CLEC16A: variants seen among roughly 807,000 people sequenced by gnomAD.
CLEC16A encodes the protein C-type lectin domain containing 16A.
In CLEC16A, 51 loss-of-function variants were observed where a neutral mutation model predicts 109.5. The observed-to-expected ratio is 0.47, with a 90% CI of 0.37 to 0.59. The LOEUF is 0.59. Ranked by LOEUF, CLEC16A falls within the 20% of genes least tolerant of loss-of-function variation. The pLI, the probability that CLEC16A is intolerant of heterozygous loss-of-function variation, is 0.00. For missense variants in CLEC16A, 1,339 were observed against 1,394.0 expected, an observed-to-expected ratio of 0.96 and a Z score of 0.63; for synonymous variants, 673 against 564.2, an observed-to-expected ratio of 1.19 and a Z score of -2.73.
chr16:11,091,982 C>G (rs1157849640), intron 19 of CLEC16A, among the ~76,000 whole-genome samples: 2 of 152,194 alleles, frequency 1.3e-5, no homozygotes, highest in Non-Finnish European at 2.9e-5. Context: ...GCTGCCCTCT[C>G]TCACTGTAGG....
intron 15 of CLEC16A, among the ~76,000 whole-genome samples, chr16:11,042,821 T>C (rs894069377): frequency 6.6e-6 from 1 of 151,494 alleles, no homozygotes; most frequent in Admixed American, 6.6e-5. Flanking sequence ...GTAACAACTA[T>C]AGTTGACATT....
chr16:11,063,313 T>C (rs2048591079), intron 19 of CLEC16A, among the ~76,000 whole-genome samples: 1 of 139,676 alleles, frequency 7.2e-6, no homozygotes, highest in South Asian at 2.3e-4. Context: ...GGAGGGATTG[T>C]AAATGCTGGA....
intron 22 of CLEC16A, among the ~76,000 whole-genome samples, chr16:11,155,723 A>G (rs1343942487): frequency 1.3e-5 from 2 of 152,264 alleles, no homozygotes; most frequent in East Asian, 3.9e-4. Context: ...GCCTAGCCCC[A>G]ATCTGTTAAA....
At position 11,076,485 on chromosome 16, in the gene CLEC16A, C is replaced by A. The variant is rs140616074; in HGVS notation, c.2116+15463C>A. On this transcript the variant is annotated intron_variant, in intron 19 of 23. Coordinates refer to ENST00000409790, the MANE Select transcript of CLEC16A (RefSeq NM_015226.3). ...CGCTCCAGCCCACTCTGTGAGCTGT[C>A]TGGGGCTCCGCCTACACACAGCTCC... Among the ~76,000 whole-genome samples the A allele has an allele frequency of 1.4e-3, 218 of 152,236 alleles. 1 individual carries two copies. The highest frequency in any genetic ancestry group is 1.3e-3 in the Non-Finnish European group (86 of 68,000).
intron 15 of CLEC16A, 150 bp downstream of exon 15, chr16:11,042,513 A>G: frequency 1.8e-6 from 1 of 546,040 alleles, no homozygotes; most frequent in Non-Finnish European, 3.2e-6. Context: ...TTGAGACCCC[A>G]CTCCAACCTA....
Position 11,120,555 on chromosome 16 carries a change from T to C in CLEC16A, c.2117-60T>C, listed in dbSNP as rs1440362686. 8.6e-6 allele frequency: 13 copies of C among 1,514,414 alleles called. No individual in the cohort carries two copies. The East Asian group carries it at 2.4e-4, about 28-fold the overall frequency. The allele number at this position is 1,514,414 out of a possible 1,614,324, so 93.8% of individuals were successfully genotyped here. A position where few individuals can be genotyped will look rare whatever the true frequency, so the allele number is the denominator to read the frequency against. ...GATAGAATGAGAGTCAGCTTTGGTG[T>C]CTCCATCACCCTGGGCAGCCAGACT... On this transcript the variant is annotated intron_variant, in intron 19 of 23. Transcript: ENST00000409790.
chr16:10,948,032 T>G (rs374312258), intron 1 of CLEC16A, among the ~76,000 whole-genome samples: 2 of 152,212 alleles, frequency 1.3e-5, no homozygotes, highest in South Asian at 4.1e-4. Flanking sequence ...TAGCTGGGAC[T>G]ACAGGCGCCC....
At chr16:11,130,879 C>A (rs1481916660) in intron 22 of CLEC16A, among the ~76,000 whole-genome samples, 5 of 152,208 alleles carry the variant, frequency 3.3e-5, no homozygotes, top group Non-Finnish European at 7.3e-5. Context: ...TGTCATAGAG[C>A]AGTTTGTCTC....
intron 2 of CLEC16A, among the ~76,000 whole-genome samples, chr16:10,960,176 T>C (rs1365634972): frequency 1.3e-5 from 2 of 152,246 alleles, no homozygotes; most frequent in Non-Finnish European, 2.9e-5. Context: ...CTGACATTGG[T>C]ACAGTATTGT....
chr16:10,983,078 C>A, intron 10 of CLEC16A, 87 bp downstream of exon 10: 1 of 761,638 alleles, frequency 1.3e-6, no homozygotes, highest in Non-Finnish European at 2.3e-6. Flanking sequence ...CAGAAACTAA[C>A]ATTCTGAATA....
chr16:10,956,043 G>C (rs2041968883), intron 1 of CLEC16A, among the ~76,000 whole-genome samples: 2 of 152,212 alleles, frequency 1.3e-5, no homozygotes, highest in African/African-American at 4.8e-5. Context: ...ATTTGGGAGT[G>C]GGTCCTCCAA....
intron 18 of CLEC16A, among the ~76,000 whole-genome samples, chr16:11,052,105 G>A (rs1439026110): frequency 6.6e-6 from 1 of 152,196 alleles, no homozygotes; most frequent in Non-Finnish European, 1.5e-5. Flanking sequence ...CAGCCTGCAG[G>A]ACAGATATGT....
chr16:11,163,331 A>G (rs1463656169), intron 22 of CLEC16A, among the ~76,000 whole-genome samples: 9 of 152,228 alleles, frequency 5.9e-5, no homozygotes, highest in Admixed American at 5.9e-4. Flanking sequence ...GCCAAAAGTC[A>G]CTGTGGCTTT....
At chr16:11,043,069 T>C (rs1171203091) in intron 15 of CLEC16A, among the ~76,000 whole-genome samples, 1 of 132,680 alleles carries the variant, frequency 7.5e-6, no homozygotes, top group Admixed American at 7.0e-5. Flanking sequence ...TATATGTTTG[T>C]GTATATATAT....
At chr16:11,155,481 C>T (rs1329951767) in intron 22 of CLEC16A, among the ~76,000 whole-genome samples, 4 of 152,204 alleles carry the variant, frequency 2.6e-5, no homozygotes, top group South Asian at 2.1e-4. Context: ...CGTGTCCAGC[C>T]GTCCGGTTAG....
intron 22 of CLEC16A, among the ~76,000 whole-genome samples, chr16:11,157,822 C>T (rs1171363263): frequency 6.6e-6 from 1 of 152,150 alleles, no homozygotes; most frequent in Admixed American, 6.5e-5. Context: ...CCCTGTCTTC[C>T]TAAGGTGGCT....
chr16:11,064,357 A>C (rs1210291024), intron 19 of CLEC16A, among the ~76,000 whole-genome samples: 1 of 152,222 alleles, frequency 6.6e-6, no homozygotes, highest in Non-Finnish European at 1.5e-5. Context: ...GCCTGTGCTC[A>C]CCCATGTGCT....
At chr16:11,151,512 C>G (rs2054289699) in intron 22 of CLEC16A, among the ~76,000 whole-genome samples, 2 of 152,232 alleles carry the variant, frequency 1.3e-5, no homozygotes, top group Non-Finnish European at 2.9e-5. Context: ...TTTTTTATTT[C>G]TCATTCCTGC....
intron 10 of CLEC16A, among the ~76,000 whole-genome samples, chr16:11,002,697 C>G (rs1377523191): frequency 6.6e-6 from 1 of 152,178 alleles, no homozygotes; most frequent in African/African-American, 2.4e-5. Flanking sequence ...CCACACTCTG[C>G]TGCCATGTGC....
Sources: allele counts gnomAD v4.1 joint callset (sites outside exome capture counted in the v4.1 genomes callset), GRCh38; gene constraint gnomAD v4.1.1; transcripts MANE v1.5; gene names NCBI Gene and HGNC (gene_info 2026-07-23, HGNC 2026-07-21).